PI16: variants seen among roughly 807,000 people sequenced by gnomAD.
PI16 encodes peptidase inhibitor 16, also known as PSP94-binding protein.
Under a neutral mutation model 38.0 loss-of-function variants are expected in PI16, and 35 were observed. The ratio of observed to expected loss-of-function variants is 0.92; its 90% CI spans 0.70 to 1.22. The LOEUF (loss-of-function observed/expected upper bound fraction) is 1.22. PI16 is among the 50% of genes most tolerant of loss of function. The pLI is 0.00. For missense variants in PI16, 572 were observed against 593.8 expected (o/e 0.96, Z 0.38); for synonymous variants, 275 against 252.9 (o/e 1.09, Z -0.83).
upstream of PI16, among the ~76,000 whole-genome samples, chr6:36,953,033 C>T (rs1030540729): frequency 2.6e-5 from 4 of 152,098 alleles, no homozygotes; most frequent in African/African-American, 7.2e-5. Flanking sequence ...AAGTTTATTG[C>T]TAAGGGCCAG....
Position 36,963,034 on chromosome 6 carries a change from G to GT in PI16, c.693dup (p.Thr232TyrfsTer56). 1.2e-6 allele frequency: 2 copies of GT among 1,614,204 alleles called. No individual in the cohort carries two copies. Among genetic ancestry groups the GT allele is most frequent in the East Asian group, 4.5e-5 (2 of 44,884 alleles). On this transcript the variant is annotated frameshift_variant, in exon 5 of 7. Coordinates refer to ENST00000373674, the MANE Select transcript of PI16 (RefSeq NM_153370.3). LOFTEE classifies it high-confidence loss of function. ...GAAGCATCAGACTCTAGGAAAATGGGTACTCCTTCTTCCCTAGCAACGGGG... is the reference window on the plus strand; with the variant it reads ...GAAGCATCAGACTCTAGGAAAATGGGTTACTCCTTCTTCCCTAGCAACGGGG...
intron 3 of PI16, 49 bp from the exon 4 acceptor site, chr6:36,961,837 T>G: frequency 6.9e-7 from 1 of 1,441,634 alleles, no homozygotes. Flanking sequence ...GGGGAGAGGG[T>G]TGGGAGGGGT....
At chr6:36,949,168 G>A (rs1224326634) in intron 1 of PI16, among the ~76,000 whole-genome samples, 8 of 147,802 alleles carry the variant, frequency 5.4e-5, no homozygotes, top group South Asian at 2.2e-4. Flanking sequence ...TTGCTCTGTC[G>A]CCCAGGCTGG....
At chr6:36,956,791 C>T (rs1202673296) in intron 1 of PI16, among the ~76,000 whole-genome samples, 1 of 152,166 alleles carries the variant, frequency 6.6e-6, no homozygotes, top group Non-Finnish European at 1.5e-5. Flanking sequence ...GAATGCCTGG[C>T]ACACAGTAAG....
chr6:36,957,821 T>C (rs1583232271), intron 1 of PI16, among the ~76,000 whole-genome samples: 1 of 152,228 alleles, frequency 6.6e-6, no homozygotes, highest in African/African-American at 2.4e-5. Context: ...GTGCCAGCAC[T>C]GCGCCAGACA....
intron 2 of PI16, among the ~76,000 whole-genome samples, chr6:36,960,325 A>ATATGTGTGTGTGTG (rs758800895): frequency 2.9e-5 from 4 of 139,920 alleles, no homozygotes; most frequent in African/African-American, 1.1e-4. Context: ...TGCAGATAAG[A>ATATGTGTGTGTGTG]TGTGTGTGTG....
At chr6:36,963,770 G>T in intron 5 of PI16, 53 bp from the exon 6 acceptor site, 1 of 1,537,494 alleles carries the variant, frequency 6.5e-7, no homozygotes. Flanking sequence ...GGGTGGGCGG[G>T]ACATCAGGCA....
Position 36,961,450 on chromosome 6 carries a change from G to C in PI16, c.394-1G>C. On this transcript the variant is annotated splice_acceptor_variant, in intron 2 of 6. Coordinates refer to ENST00000373674, the MANE Select transcript of PI16 (RefSeq NM_153370.3). LOFTEE classifies it high-confidence loss of function. ...GAGCTGCTAGGTTTGCCCTTCATCA[G>C]GTGGTATGGGCCAAGACAGAGAGGA... The C allele has an allele frequency of 6.2e-7, 1 of 1,614,064 alleles. No homozygotes were observed. Among genetic ancestry groups the C allele is most frequent in the Admixed American group, 1.7e-5 (1 of 60,032 alleles).
At position 36,959,361 on chromosome 6, in the gene PI16, A is replaced by G; in HGVS notation, c.388A>G (p.Thr130Ala). The change falls in exon 2 of 7, where the codon ACG becomes GCG. Residue 130 changes from threonine to alanine, a missense_variant. Coordinates refer to ENST00000373674, the MANE Select transcript of PI16 (RefSeq NM_153370.3). ...CCCAGGCCAGATGTGCGGCCACTACACGCAGGTGTGGGCCCGGCGGGCGAG... is the reference window on the plus strand; with the variant it reads ...CCCAGGCCAGATGTGCGGCCACTACGCGCAGGTGTGGGCCCGGCGGGCGAG... ...CSPGQMCGHY[T>A]QVVWAKTERI... 6.4e-7 allele frequency: 1 copy of G among 1,554,362 alleles called. No individual in the cohort carries two copies. Among genetic ancestry groups the G allele is most frequent in the Non-Finnish European group, 8.7e-7 (1 of 1,149,562 alleles).
Position 36,963,954 on chromosome 6 carries a change from C to A in PI16, c.*10C>A, listed in dbSNP as rs199544950. On this transcript the variant is annotated 3_prime_UTR_variant, in exon 6 of 7. Transcript: ENST00000373674. ...GGCTGGAATCTTCTGAAGGGGATAC[C>A]ACTCAAAGGCAAGGCCTGGTGAGGG... is the stretch of plus-strand genomic sequence containing the variant. 6.2e-7 allele frequency: 1 copy of A among 1,607,054 alleles called. No homozygotes were observed. Among genetic ancestry groups the A allele is most frequent in the African/African-American group, 1.3e-5 (1 of 74,620 alleles).
upstream of PI16, chr6:36,954,576 G>C: frequency 1.2e-6 from 1 of 833,898 alleles, no homozygotes; most frequent in Non-Finnish European, 1.8e-6. Context: ...GACTCCAAGG[G>C]GAGTGCACTT....
intron 2 of PI16, 148 bp downstream of exon 2, chr6:36,959,514 T>C: frequency 1.3e-6 from 1 of 774,440 alleles, no homozygotes; most frequent in Non-Finnish European, 2.0e-6. Flanking sequence ...CCTCAGACAC[T>C]TTGCAAATCT....
rs1763414463 is a variant in PI16 at position 36,963,008 on chromosome 6, T to C, written c.666T>C (p.Thr222=). Residue 222 remains threonine, a synonymous_variant, in exon 5 of 7, where the codon ACT becomes ACC. Coordinates refer to ENST00000373674, the MANE Select transcript of PI16 (RefSeq NM_153370.3). Reference sequence around the variant, plus strand: ...CTGAGGCCCCATCCTTCCGGGCGACTGAAGCATCAGACTCTAGGAAAATGG... The same window carrying C: ...CTGAGGCCCCATCCTTCCGGGCGACCGAAGCATCAGACTCTAGGAAAATGG... The part of the protein sequence containing the change: ...LVTEAPSFRA[T]EASDSRKMGT... 1 of 1,614,100 alleles carries C rather than the reference T, an allele frequency of 6.2e-7. No individual in the cohort carries two copies. The highest frequency in any genetic ancestry group is 1.3e-5 in the African/African-American group (1 of 74,932).
chr6:36,961,882 G>A lies in PI16; in HGVS notation c.504-4G>A. The stretch of plus-strand genomic sequence containing the variant: ...CCCCGCAGCATCCTCCTGACCTCCT[G>A]TAGGGGGAACGTGAAGGGGAAACGG... On this transcript the variant is annotated splice_region_variant and splice_polypyrimidine_tract_variant and intron_variant, in intron 3 of 6. Transcript: ENST00000373674. 1.2e-6 allele frequency: 2 copies of A among 1,613,456 alleles called. No homozygotes were observed. The highest frequency in any genetic ancestry group is 1.7e-6 in the Non-Finnish European group (2 of 1,179,414).
intron 1 of PI16, among the ~76,000 whole-genome samples, chr6:36,956,787 C>T (rs1010930708): frequency 1.3e-5 from 2 of 152,140 alleles, no homozygotes; most frequent in Non-Finnish European, 2.9e-5. Flanking sequence ...AGAAGAATGC[C>T]TGGCACACAG....
chr6:36,951,868 C>T (rs923178638), upstream of PI16, among the ~76,000 whole-genome samples: 50 of 152,158 alleles, frequency 3.3e-4, no homozygotes, highest in African/African-American at 1.1e-3. Context: ...GAGTGCACTC[C>T]AGCCTGGGTG....
upstream of PI16, among the ~76,000 whole-genome samples, chr6:36,953,365 A>G (rs1196063118): frequency 6.6e-6 from 1 of 151,878 alleles, no homozygotes; most frequent in African/African-American, 2.4e-5. Context: ...ATTGGTAAGA[A>G]TTTTATTCTT....
chr6:36,962,940 A>G lies in PI16; in HGVS notation c.598A>G (p.Ile200Val). ...YHCKNSLCEP[I>V]GSPEDAQDLP... ...GTTCTCGTCTGTCTTATCAGAACCCATCGGAAGCCCGGAAGATGCTCAGGA... is the reference window on the plus strand; with the variant it reads ...GTTCTCGTCTGTCTTATCAGAACCCGTCGGAAGCCCGGAAGATGCTCAGGA... Residue 200 changes from isoleucine (I) to valine (V), a missense_variant, in exon 5 of 7, where the codon ATC becomes GTC. By Grantham distance (29) the Ile-to-Val change is conservative. Coordinates refer to ENST00000373674, the MANE Select transcript of PI16 (RefSeq NM_153370.3). This position sits in a 1 kb window ranked among gnomAD's most constrained non-coding sequence, Gnocchi z 4.1. The G allele has an allele frequency of 6.2e-7, 1 of 1,611,986 alleles. No homozygotes were observed. Among genetic ancestry groups the G allele is most frequent in the South Asian group, 1.1e-5 (1 of 90,920 alleles).
chr6:36,962,926 T>C lies in PI16; in HGVS notation c.593-9T>C, dbSNP rs997932956. 4 of 1,603,036 alleles carry C rather than the reference T, an allele frequency of 2.5e-6. No individual in the cohort carries two copies. The highest frequency in any genetic ancestry group is 2.7e-5 in the African/African-American group (2 of 74,512). On this transcript the variant is annotated splice_polypyrimidine_tract_variant and intron_variant, in intron 4 of 6. Transcript: ENST00000373674. This position sits in a 1 kb window ranked among gnomAD's most constrained non-coding sequence, Gnocchi z 4.1. ...CAGCACTCATGCCCGTTCTCGTCTG[T>C]CTTATCAGAACCCATCGGAAGCCCG...
Sources: allele counts gnomAD v4.1 joint callset (sites outside exome capture counted in the v4.1 genomes callset), GRCh38; gene constraint gnomAD v4.1.1; non-coding constraint Gnocchi (gnomAD v3.1); transcripts MANE v1.5; gene names NCBI Gene and HGNC (gene_info 2026-07-23, HGNC 2026-07-21).